PAWR: variants seen among roughly 807,000 people sequenced by gnomAD.
The protein encoded by PAWR is PRKC apoptosis WT1 regulator protein.
In PAWR, 23 loss-of-function variants were observed where a neutral mutation model predicts 32.0. The ratio of observed to expected loss-of-function variants is 0.72; its 90% CI spans 0.52 to 1.02. The LOEUF (loss-of-function observed/expected upper bound fraction) is 1.02, where lower values mean the gene tolerates loss of function less well. Ranked by LOEUF, PAWR falls within the 50% of genes least tolerant of loss-of-function variation. The probability of loss-of-function intolerance (pLI) is 0.00; values close to 1 mark genes in which losing one functional copy is unlikely to be tolerated. For missense variants in PAWR, 457 were observed against 437.7 expected (o/e 1.04, Z -0.39); for synonymous variants, 226 against 187.1 (o/e 1.21, Z -1.70).
rs1053920578 is a variant in PAWR at position 79,586,767 on chromosome 12, A to C, written c.*5840T>G. 1 of 152,196 alleles carries C rather than the reference A, an allele frequency of 6.6e-6. No homozygotes were observed. Among genetic ancestry groups the C allele is most frequent in the Non-Finnish European group, 1.5e-5 (1 of 68,006 alleles). 9.4% of individuals were successfully genotyped at this position (152,196 alleles called of 1,614,324 possible). ...TCTTTAAAAGGATTTTGATTCAGTC[A>C]TAACAGATTTTTGAAAGTGACAGTA... On this transcript the variant is annotated 3_prime_UTR_variant, in exon 7 of 7. Coordinates refer to ENST00000328827, the MANE Select transcript of PAWR (RefSeq NM_002583.4).
At chr12:79,665,170 TTA>T (rs1303730278) in intron 2 of PAWR, among the ~76,000 whole-genome samples, 2 of 152,214 alleles carry the variant, frequency 1.3e-5, no homozygotes, top group Admixed American at 1.3e-4. Flanking sequence ...AAGGAAAATT[TTA>T]TAGAGACAAA....
chr12:79,639,881 T>TATTCCTATTCCATTCCATTCCATTCC, intron 2 of PAWR, among the ~76,000 whole-genome samples: 33 of 112,530 alleles, frequency 2.9e-4, no homozygotes, highest in African/African-American at 1.6e-3. Context: ...TTCCTATTCC[T>TATTCCTATTCCATTCCATTCCATTCC]ATTCCATTCC....
chr12:79,616,507 A>G (rs1874741648), intron 3 of PAWR, among the ~76,000 whole-genome samples: 1 of 152,208 alleles, frequency 6.6e-6, no homozygotes, highest in African/African-American at 2.4e-5. Context: ...ACTTAGAGTA[A>G]TAGAGATATA....
chr12:79,652,901 A>G (rs752147127), intron 2 of PAWR, among the ~76,000 whole-genome samples: 1 of 152,262 alleles, frequency 6.6e-6, no homozygotes, highest in Non-Finnish European at 1.5e-5. Flanking sequence ...TCAATTAAAA[A>G]TATAGTTTTC....
intron 2 of PAWR, among the ~76,000 whole-genome samples, chr12:79,687,906 CTGCAGCTTGAA>C (rs1226258120): frequency 6.6e-6 from 1 of 152,042 alleles, no homozygotes; most frequent in East Asian, 1.9e-4. Flanking sequence ...TTGTTGGGTC[CTGCAGCTTGAA>C]ACGGACAGAG....
intron 2 of PAWR, among the ~76,000 whole-genome samples, chr12:79,645,220 A>AT (rs1876517923): frequency 6.6e-6 from 1 of 152,180 alleles, no homozygotes; most frequent in Non-Finnish European, 1.5e-5. Flanking sequence ...GAATTCATAT[A>AT]TTATTTATTC....
chr12:79,591,444 A>G lies in PAWR; in HGVS notation c.*1163T>C, dbSNP rs1200365241. The G allele has an allele frequency of 6.6e-6, 1 of 152,214 alleles. No individual in the cohort carries two copies. The allele number at this position is 152,214 out of a possible 1,614,324, so 9.4% of individuals were successfully genotyped here. ...AATTCAATCACAAAGCAAAAATGTC[A>G]TAATTTTAATGTATTTTAAGGGAAG... On this transcript the variant is annotated 3_prime_UTR_variant, in exon 7 of 7. Transcript: ENST00000328827.
At position 79,585,221 on chromosome 12, in the gene PAWR, C is replaced by T. The variant is rs1319574843; in HGVS notation, c.*7386G>A. On this transcript the variant is annotated 3_prime_UTR_variant, in exon 7 of 7. Transcript: ENST00000328827. ...TTTCTACAATGTCCAAAAAGAAAGA[C>T]CAAGATCTTTGCTTAAAAATAGAAA... The T allele has an allele frequency of 2.3e-6, 1 of 432,860 alleles. No individual in the cohort carries two copies. Among genetic ancestry groups the T allele is most frequent in the Non-Finnish European group, 4.5e-6 (1 of 219,974 alleles). 26.8% of individuals were successfully genotyped at this position (432,860 alleles called of 1,614,324 possible).
At chr12:79,612,196 A>G (rs1349801728) in intron 4 of PAWR, among the ~76,000 whole-genome samples, 2 of 152,120 alleles carry the variant, frequency 1.3e-5, no homozygotes. Context: ...GTTTCATTAT[A>G]CCTACATCAA....
At chr12:79,668,787 C>G (rs1877739779) in intron 2 of PAWR, among the ~76,000 whole-genome samples, 1 of 152,162 alleles carries the variant, frequency 6.6e-6, no homozygotes, top group Non-Finnish European at 1.5e-5. Flanking sequence ...GCTGTGTGGC[C>G]TGGTTCCTAA....
intron 2 of PAWR, among the ~76,000 whole-genome samples, chr12:79,664,402 T>C (rs1205008044): frequency 6.6e-6 from 1 of 152,224 alleles, no homozygotes; most frequent in East Asian, 1.9e-4. Flanking sequence ...TCTTCTCTAA[T>C]TTTTAGAACT....
At chr12:79,634,005 T>C (rs1875841599) in intron 2 of PAWR, among the ~76,000 whole-genome samples, 1 of 152,122 alleles carries the variant, frequency 6.6e-6, no homozygotes, top group Non-Finnish European at 1.5e-5. Flanking sequence ...AGTTGAAAAT[T>C]ATTGAAACTG....
intron 2 of PAWR, among the ~76,000 whole-genome samples, chr12:79,648,609 C>G (rs1463974731): frequency 3.5e-5 from 5 of 141,866 alleles, no homozygotes. Flanking sequence ...ATAATGAGAC[C>G]CTGTCTCTAA....
intron 2 of PAWR, among the ~76,000 whole-genome samples, chr12:79,661,446 A>T (rs568888943): frequency 6.6e-6 from 1 of 152,278 alleles, no homozygotes; most frequent in South Asian, 2.1e-4. Flanking sequence ...AACAGAAAAT[A>T]TCTCCAGAAG....
intron 2 of PAWR, among the ~76,000 whole-genome samples, chr12:79,664,843 G>A (rs1163578311): frequency 6.6e-6 from 1 of 151,832 alleles, no homozygotes. Context: ...AAATAAAATA[G>A]TGATTATTGT....
At chr12:79,593,982 G>A (rs1048824014) in intron 6 of PAWR, among the ~76,000 whole-genome samples, 1 of 151,976 alleles carries the variant, frequency 6.6e-6, no homozygotes, top group Non-Finnish European at 1.5e-5. Flanking sequence ...GAGATTACAG[G>A]TGTGAGCCAC....
chr12:79,653,510 G>A (rs768917474), intron 2 of PAWR, among the ~76,000 whole-genome samples: 24 of 152,072 alleles, frequency 1.6e-4, no homozygotes, highest in South Asian at 6.2e-4. Context: ...GCAGAGTTTC[G>A]CTCTTGTTGC....
chr12:79,646,475 C>T (rs947824833), intron 2 of PAWR, among the ~76,000 whole-genome samples: 2 of 152,150 alleles, frequency 1.3e-5, no homozygotes, highest in African/African-American at 2.4e-5. Flanking sequence ...TTCCAGTCCC[C>T]TTCCCCAACA....
chr12:79,619,109 A>G (rs896370311), intron 3 of PAWR, among the ~76,000 whole-genome samples: 1 of 152,104 alleles, frequency 6.6e-6, no homozygotes, highest in African/African-American at 2.4e-5. Context: ...AACTTGAGAC[A>G]TAATTTATAA....
Sources: allele counts gnomAD v4.1 joint callset (sites outside exome capture counted in the v4.1 genomes callset), GRCh38; gene constraint gnomAD v4.1.1; transcripts MANE v1.5; gene names NCBI Gene and HGNC (gene_info 2026-07-23, HGNC 2026-07-21).